Variants in CYFIP2 observed in about 807,000 individuals in gnomAD.
CYFIP2 encodes the protein cytoplasmic FMR1 interacting protein 2.
In CYFIP2, 29 loss-of-function variants were observed where a neutral mutation model predicts 158.7. The ratio of observed to expected loss-of-function variants is 0.18; its 90% CI spans 0.14 to 0.25. The LOEUF (loss-of-function observed/expected upper bound fraction) is 0.25, where lower values mean the gene tolerates loss of function less well. Ranked by LOEUF, CYFIP2 falls within the 10% of genes least tolerant of loss-of-function variation. The probability of loss-of-function intolerance (pLI) is 1.00; values close to 1 mark genes in which losing one functional copy is unlikely to be tolerated. For synonymous variants in CYFIP2, 585 were observed against 617.6 expected, an observed-to-expected ratio of 0.95 and a Z score of 0.78; for missense variants, 852 against 1,639.5, an observed-to-expected ratio of 0.52 and a Z score of 8.29.
At chr5:157,351,170 A>G (rs1281156204) in intron 23 of CYFIP2, among the ~76,000 whole-genome samples, 2 of 152,112 alleles carry the variant, frequency 1.3e-5, no homozygotes, top group Admixed American at 6.5e-5. Context: ...TGAGAATATT[A>G]TAATGCCTGT....
intron 26 of CYFIP2, among the ~76,000 whole-genome samples, chr5:157,374,797 T>G (rs1020619059): frequency 2.6e-5 from 4 of 152,340 alleles, no homozygotes; most frequent in African/African-American, 9.6e-5. Context: ...ATTGCGAACT[T>G]AATTCATCTT....
chr5:157,382,683 C>G, intron 27 of CYFIP2, 21 bp downstream of exon 27: 1 of 1,611,602 alleles, frequency 6.2e-7, no homozygotes, highest in Non-Finnish European at 8.5e-7. Context: ...ACTACAGCAG[C>G]TGAATAGCCA....
At position 157,393,877 on chromosome 5, in the gene CYFIP2, G is replaced by C. The variant is rs6555991; in HGVS notation, c.*877G>C. On this transcript the variant is annotated 3_prime_UTR_variant, in exon 31 of 31. Coordinates refer to ENST00000620254, the MANE Select transcript of CYFIP2 (RefSeq NM_001037333.3). The stretch of plus-strand genomic sequence containing the variant: ...AGCCAGTGACCAAATTAGGGACAAC[G>C]TCTTGGCACAGAATTGCTTATCAAG... 2 of 152,004 alleles carry C rather than the reference G, an allele frequency of 1.3e-5. No individual in the cohort carries two copies. The highest frequency in any genetic ancestry group is 2.1e-4 in the South Asian group (1 of 4,826). The allele number at this position is 152,004 out of a possible 1,614,324, so 9.4% of individuals were successfully genotyped here.
At position 157,300,802 on chromosome 5, in the gene CYFIP2, C is replaced by T. The variant is rs2113888330; in HGVS notation, c.475C>T (p.Leu159=). Residue 159 remains leucine, a synonymous_variant, in exon 6 of 31, where the codon CTG becomes TTG. Transcript: ENST00000620254. ...RKDFVSEAYL[L]TLGKFINMFA... ...GGACTTTGTCTCTGAGGCCTACCTCCTGACCCTTGGCAAGTTCATCAACAT... is the reference window on the plus strand; with the variant it reads ...GGACTTTGTCTCTGAGGCCTACCTCTTGACCCTTGGCAAGTTCATCAACAT... 1.2e-6 allele frequency: 2 copies of T among 1,613,732 alleles called. No homozygotes were observed. Among genetic ancestry groups the T allele is most frequent in the Non-Finnish European group, 1.7e-6 (2 of 1,179,688 alleles).
chr5:157,325,308 G>A (rs1481482601), intron 16 of CYFIP2, among the ~76,000 whole-genome samples, 174 bp from the exon 17 acceptor site: 1 of 152,082 alleles, frequency 6.6e-6, no homozygotes, highest in East Asian at 1.9e-4. Context: ...TGCTTGAGAG[G>A]CAGTAGATGT....
chr5:157,322,458 G>C (rs1760673450), intron 15 of CYFIP2, among the ~76,000 whole-genome samples: 1 of 152,246 alleles, frequency 6.6e-6, no homozygotes, highest in African/African-American at 2.4e-5. Context: ...AGTTTTCAGA[G>C]AATTAGAGTT....
chr5:157,362,322 C>T (rs975347656), intron 26 of CYFIP2, among the ~76,000 whole-genome samples: 6 of 152,298 alleles, frequency 3.9e-5, no homozygotes, highest in Non-Finnish European at 2.9e-5. Flanking sequence ...TGCATGCATG[C>T]CAGCACATCT....
At position 157,315,188 on chromosome 5, in the gene CYFIP2, C is replaced by T; in HGVS notation, c.1356+94C>T. 8.0e-6 allele frequency: 12 copies of T among 1,495,194 alleles called. No individual in the cohort carries two copies. The South Asian group carries it at 1.4e-4, about 18-fold the overall frequency. 92.6% of individuals were successfully genotyped at this position (1,495,194 alleles called of 1,614,324 possible). On this transcript the variant is annotated intron_variant, in intron 13 of 30. Coordinates refer to ENST00000620254, the MANE Select transcript of CYFIP2 (RefSeq NM_001037333.3). ...CTGAGCAAGAAAACAGCATCGGTTG[C>T]CCTAATTTTCGTGCTCTTCCCTGTC...
At chr5:157,342,649 C>A in intron 23 of CYFIP2, 2 of 505,878 alleles carry the variant, frequency 4.0e-6, no homozygotes, top group South Asian at 8.2e-5. Context: ...GACGCTGCTG[C>A]TGAGATGCCT....
At chr5:157,343,557 C>T in intron 23 of CYFIP2, 1 of 1,532,124 alleles carries the variant, frequency 6.5e-7, no homozygotes, top group South Asian at 1.3e-5. Flanking sequence ...GAACCAGAAT[C>T]AAAGTGAAGA....
Position 157,361,650 on chromosome 5 carries a change from C to T in CYFIP2, c.3039+52C>T. On this transcript the variant is annotated intron_variant, in intron 26 of 30. Coordinates refer to ENST00000620254, the MANE Select transcript of CYFIP2 (RefSeq NM_001037333.3). The surrounding 1 kb of genome is among the most constrained non-coding windows in gnomAD (Gnocchi z 4.4). ...GGTGTCTCCAGGTTGGAGGGGATGC[C>T]AACCCCAAGCAGATATTGAGGCTCC... The T allele has an allele frequency of 6.2e-7, 1 of 1,608,598 alleles. No individual in the cohort carries two copies. Among genetic ancestry groups the T allele is most frequent in the South Asian group, 1.1e-5 (1 of 90,720 alleles).
intron 28 of CYFIP2, chr5:157,384,210 T>TGC: frequency 4.5e-6 from 2 of 445,582 alleles, no homozygotes; most frequent in Non-Finnish European, 9.1e-6. Flanking sequence ...ACAGGACCCC[T>TGC]GCCTTCAGAG....
At position 157,333,407 on chromosome 5, in the gene CYFIP2, T is replaced by C; in HGVS notation, c.2346T>C (p.Ala782=). 6.2e-7 allele frequency: 1 copy of C among 1,614,002 alleles called. No homozygotes were observed. The highest frequency in any genetic ancestry group is 8.5e-7 in the Non-Finnish European group (1 of 1,179,876). ...SAAMYKSLDQ[A]ISRFESEDLT... is the part of the protein sequence containing the mutation. ...CCATGTATAAATCCTTGGACCAAGC[T>C]ATCAGCCGCTTTGAGAGTGAGGACC... The change falls in exon 21 of 31, where the codon GCT becomes GCC. Residue 782 remains alanine (A), a synonymous_variant. Transcript: ENST00000620254.
intron 26 of CYFIP2, chr5:157,364,413 C>T (rs1764171127): frequency 6.6e-6 from 1 of 152,208 alleles, no homozygotes; most frequent in African/African-American, 2.4e-5. Context: ...GACAACAGGA[C>T]ACTCAATGAC....
intron 26 of CYFIP2, among the ~76,000 whole-genome samples, chr5:157,372,672 T>C (rs1393507750): frequency 6.6e-6 from 1 of 152,178 alleles, no homozygotes; most frequent in Non-Finnish European, 1.5e-5. Flanking sequence ...TAGACGCATT[T>C]GCTAGCATCG....
Position 157,341,126 on chromosome 5 carries a change from A to T in CYFIP2, c.2642A>T (p.Asn881Ile). Residue 881 changes from asparagine (N) to isoleucine (I), a missense_variant, in exon 23 of 31, where the codon AAC becomes ATC. Asn to Ile is a moderately radical substitution (Grantham distance 149). Coordinates refer to ENST00000620254, the MANE Select transcript of CYFIP2 (RefSeq NM_001037333.3). The part of the protein sequence containing the change: ...TQEPQRDKPA[N>I]VQPYYLYGSK... Reference sequence around the variant, plus strand: ...GAACCACAACGAGACAAACCTGCCAACGTCCAGCCTTATTACCTCTATGGA... The same window carrying T: ...GAACCACAACGAGACAAACCTGCCATCGTCCAGCCTTATTACCTCTATGGA... The T allele has an allele frequency of 6.2e-7, 1 of 1,614,024 alleles. No individual in the cohort carries two copies. The highest frequency in any genetic ancestry group is 8.5e-7 in the Non-Finnish European group (1 of 1,179,884).
intron 3 of CYFIP2, among the ~76,000 whole-genome samples, chr5:157,290,070 G>A (rs767744593): frequency 6.6e-6 from 1 of 152,230 alleles, no homozygotes; most frequent in Non-Finnish European, 1.5e-5. Context: ...GGACTGCACT[G>A]ACTGAGTTCC....
Position 157,393,045 on chromosome 5 carries a change from GGAGA to G in CYFIP2, c.*50_*53del. 6.2e-7 allele frequency: 1 copy of G among 1,600,594 alleles called. No homozygotes were observed. Among genetic ancestry groups the G allele is most frequent in the Non-Finnish European group, 8.5e-7 (1 of 1,173,098 alleles). On this transcript the variant is annotated 3_prime_UTR_variant, in exon 31 of 31. Transcript: ENST00000620254. ...CTTATCTGGAGGAGGAAGAGAAGCAGGAGAGAGAAAGCCACAGCCAGCCTGCCAT... is the reference window on the plus strand; with the variant it reads ...CTTATCTGGAGGAGGAAGAGAAGCAGGAGAAAGCCACAGCCAGCCTGCCAT...
rs764126246 is a variant in CYFIP2 at position 157,287,152 on chromosome 5, G to A, written c.207+44G>A. 11 of 1,532,710 alleles carry A rather than the reference G, an allele frequency of 7.2e-6. No individual in the cohort carries two copies. In the South Asian group the frequency reaches 1.1e-4, roughly 16 times the overall value. The allele number at this position is 1,532,710 out of a possible 1,614,324, so 94.9% of individuals were successfully genotyped here. On this transcript the variant is annotated intron_variant, in intron 3 of 30. Transcript: ENST00000620254. ...CGTGTGCAGACATGCTCCCTGCTGG[G>A]CTGGCAGGGGCCGCGGGCAGCTTCT...
Sources: allele counts gnomAD v4.1 joint callset (sites outside exome capture counted in the v4.1 genomes callset), GRCh38; gene constraint gnomAD v4.1.1; non-coding constraint Gnocchi (gnomAD v3.1); transcripts MANE v1.5; gene names NCBI Gene and HGNC (gene_info 2026-07-23, HGNC 2026-07-21).